The following MED13L variants were observed in gnomAD, a reference collection of about 807,000 sequenced individuals.
MED13L encodes mediator complex subunit 13L, also known as mediator of RNA polymerase II transcription subunit 13-like.
A neutral mutation model predicts 220.9 loss-of-function variants in MED13L; 7 were observed. The ratio of observed to expected loss-of-function variants is 0.03; its 90% CI spans 0.02 to 0.06. The LOEUF (loss-of-function observed/expected upper bound fraction) is 0.06. Among genes scored for constraint, MED13L ranks in the 10% least tolerant of loss-of-function variants. MED13L has a pLI of 1.00. For synonymous variants in MED13L, 1,011 were observed against 1,015.2 expected, an observed-to-expected ratio of 1.00 and a Z score of 0.08; for missense variants, 1,965 against 2,760.5, an observed-to-expected ratio of 0.71 and a Z score of 6.46.
chr12:116,206,426 A>G (rs1882334066), intron 2 of MED13L, among the ~76,000 whole-genome samples: 1 of 152,206 alleles, frequency 6.6e-6, no homozygotes, highest in African/African-American at 2.4e-5. Context: ...AATTCCTTCC[A>G]GTGAAGGAAT....
At chr12:116,242,048 CTTT>C (rs767214989) in intron 1 of MED13L, among the ~76,000 whole-genome samples, 12 of 106,644 alleles carry the variant, frequency 1.1e-4, no homozygotes, top group Non-Finnish European at 1.3e-4. Flanking sequence ...GTTCTTTTGT[CTTT>C]TTTTTTTTTT....
At chr12:116,242,934 C>T (rs1411027436) in intron 1 of MED13L, among the ~76,000 whole-genome samples, 2 of 152,162 alleles carry the variant, frequency 1.3e-5, no homozygotes, top group Non-Finnish European at 2.9e-5. Context: ...AAACTGTCAT[C>T]AACTCAATTT....
In MED13L at chr12:116,088,308, T is replaced by C. The variant is rs1199488195; in HGVS notation, c.479+8361A>G. Among the ~76,000 whole-genome samples the C allele has an allele frequency of 2.6e-5, 4 of 152,260 alleles. No homozygotes were observed. The East Asian group carries it at 7.7e-4, about 29-fold the overall frequency. ...CTGCTGAAAATGAGAATAGAAATTC[T>C]GGAAAGAAGAGAATCAAAGACACAA... On this transcript the variant is annotated intron_variant, in intron 4 of 30. Transcript: ENST00000281928.
intron 3 of MED13L, 67 bp from the exon 4 acceptor site, chr12:116,096,819 T>A: frequency 9.1e-7 from 1 of 1,103,546 alleles, no homozygotes; most frequent in Non-Finnish European, 1.4e-6. Flanking sequence ...GCTGAAGCAA[T>A]ACACCAGATG....
intron 2 of MED13L, among the ~76,000 whole-genome samples, chr12:116,120,981 C>A (rs954844968): frequency 6.6e-6 from 1 of 152,128 alleles, no homozygotes; most frequent in African/African-American, 2.4e-5. Context: ...CATTCTCCTG[C>A]TGTTATTTTG....
Position 116,060,471 on chromosome 12 carries a change from G to A in MED13L, c.479+36198C>T, listed in dbSNP as rs1377863318. On this transcript the variant is annotated intron_variant, in intron 4 of 30. Transcript: ENST00000281928. ...CGGGTGCCTGTAGTCCCAGCTACTCGGGAGGCTGAGGCAGGAATATTGCTT... is the reference window on the plus strand; with the variant it reads ...CGGGTGCCTGTAGTCCCAGCTACTCAGGAGGCTGAGGCAGGAATATTGCTT... Among the ~76,000 whole-genome samples, 8 of 151,406 alleles carry A rather than the reference G, an allele frequency of 5.3e-5. No homozygotes were observed. In the East Asian group the frequency reaches 9.7e-4, roughly 18 times the overall value.
intron 2 of MED13L, among the ~76,000 whole-genome samples, chr12:116,192,068 AT>A (rs1422665222): frequency 6.6e-6 from 1 of 152,172 alleles, no homozygotes; most frequent in African/African-American, 2.4e-5. Context: ...TAATGGTTAA[AT>A]TTTTTTAAGA....
intron 14 of MED13L, among the ~76,000 whole-genome samples, chr12:116,002,289 G>A (rs1223022703): frequency 6.6e-6 from 1 of 152,088 alleles, no homozygotes; most frequent in Non-Finnish European, 1.5e-5. Context: ...TACATTTATA[G>A]GTTCATAAAG....
At chr12:116,234,655 CTATT>C (rs950351250) in intron 2 of MED13L, among the ~76,000 whole-genome samples, 27 of 152,040 alleles carry the variant, frequency 1.8e-4, no homozygotes, top group Middle Eastern at 3.4e-3. Context: ...GATTCTGCTA[CTATT>C]TATTTATTTT....
In MED13L at chr12:115,982,474, A is replaced by C; in HGVS notation, c.5085T>G (p.Ser1695=). The change falls in exon 22 of 31, where the codon TCT becomes TCG. Residue 1695 remains serine (S), a synonymous_variant. Coordinates refer to ENST00000281928, the MANE Select transcript of MED13L (RefSeq NM_015335.5). ...FTYAAEEDST[S]GNFWLLSLMR... Reference sequence around the variant, plus strand: ...TCAAGCTCAACAGCCAAAAGTTCCCAGAAGTGGAGTCCTCCTCTGCAGCAT... The same window carrying C: ...TCAAGCTCAACAGCCAAAAGTTCCCCGAAGTGGAGTCCTCCTCTGCAGCAT... 5.0e-6 allele frequency: 8 copies of C among 1,614,178 alleles called. No individual in the cohort carries two copies. The highest frequency in any genetic ancestry group is 6.8e-6 in the Non-Finnish European group (8 of 1,180,006).
chr12:115,982,656 C>T (rs531653858), intron 21 of MED13L, 53 bp from the exon 22 acceptor site: 6 of 1,458,544 alleles, frequency 4.1e-6, no homozygotes, highest in Middle Eastern at 1.7e-4. Context: ...ATTACACGAA[C>T]ATGAAAAACA....
chr12:116,253,763 T>TG (rs1217625376), intron 1 of MED13L, among the ~76,000 whole-genome samples: 10 of 138,194 alleles, frequency 7.2e-5, no homozygotes, highest in African/African-American at 2.5e-4. Flanking sequence ...GTTTTTTTTT[T>TG]TTTTTTTTTT....
intron 3 of MED13L, among the ~76,000 whole-genome samples, chr12:116,098,000 T>C (rs1271374802): frequency 1.3e-5 from 2 of 152,166 alleles, no homozygotes; most frequent in Admixed American, 1.3e-4. Flanking sequence ...ATCCCAGCAC[T>C]TTGGGAAGCC....
rs1359410977 is a variant in MED13L at position 115,984,208 on chromosome 12, A to C, written c.4503T>G (p.Leu1501=). 2 of 1,613,962 alleles carry C rather than the reference A, an allele frequency of 1.2e-6. No homozygotes were observed. The highest frequency in any genetic ancestry group is 2.2e-5 in the South Asian group (2 of 91,054). ...GGTGATGGCGGCAAACTTGCGCATA[A>C]AGTTTGAGTCTGGAATGATTGTCAT... ...EENDNHSRLK[L]YAQVCRHHLA... Residue 1501 remains leucine, a synonymous_variant, in exon 20 of 31, where the codon CTT becomes CTG. Transcript: ENST00000281928.
At chr12:116,213,998 A>G (rs561090107) in intron 2 of MED13L, among the ~76,000 whole-genome samples, 1 of 152,236 alleles carries the variant, frequency 6.6e-6, no homozygotes, top group East Asian at 1.9e-4. Flanking sequence ...ACACACACGC[A>G]CCCCTTGAAA....
intron 2 of MED13L, among the ~76,000 whole-genome samples, chr12:116,178,582 T>C (rs1334451718): frequency 6.6e-6 from 1 of 152,238 alleles, no homozygotes; most frequent in Non-Finnish European, 1.5e-5. Context: ...GAATATATCT[T>C]TGTTAGTAGC....
At chr12:116,167,425 T>A (rs530558030) in intron 2 of MED13L, among the ~76,000 whole-genome samples, 2 of 152,198 alleles carry the variant, frequency 1.3e-5, no homozygotes, top group Non-Finnish European at 2.9e-5. Context: ...GTAGATACTG[T>A]GTAACATTAA....
At chr12:116,142,533 C>A (rs1486224990) in intron 2 of MED13L, among the ~76,000 whole-genome samples, 1 of 151,884 alleles carries the variant, frequency 6.6e-6, no homozygotes, top group Non-Finnish European at 1.5e-5. Flanking sequence ...ACTAAAAATA[C>A]AAAAATTAGC....
intron 4 of MED13L, among the ~76,000 whole-genome samples, chr12:116,025,248 CAAAGA>C (rs1388699937): frequency 3.3e-5 from 5 of 151,984 alleles, no homozygotes; most frequent in Non-Finnish European, 7.4e-5. Context: ...GGCAAGGATG[CAAAGA>C]AAAGAGGACC....
Sources: gnomAD v4.1 joint callset for allele counts (sites outside exome capture counted in the v4.1 genomes callset) on GRCh38, gnomAD v4.1.1 for gene constraint, MANE v1.5 for transcripts, NCBI Gene and HGNC (gene_info 2026-07-23, HGNC 2026-07-21) for gene names.